Variants in CTSO observed in about 807,000 individuals in gnomAD.
CTSO encodes cathepsin O.
CTSO carries 40 observed loss-of-function variants against 42.4 expected under a neutral mutation model. The ratio of observed to expected loss-of-function variants is 0.94; its 90% CI spans 0.73 to 1.23. CTSO has a LOEUF of 1.23. CTSO is among the 50% of genes most tolerant of loss of function. The probability of loss-of-function intolerance (pLI) is 0.00; values close to 1 mark genes in which losing one functional copy is unlikely to be tolerated. For missense variants in CTSO, 441 were observed against 396.0 expected (o/e 1.11, Z -0.96); for synonymous variants, 156 against 146.2 (o/e 1.07, Z -0.48).
chr4:155,931,593 G>A lies in CTSO; in HGVS notation c.675-1888C>T, dbSNP rs1378317848. On this transcript the variant is annotated intron_variant, in intron 5 of 7. Transcript: ENST00000433477. Reference sequence around the variant, plus strand: ...GCTATCATTTGTCTTTCAGAAAGATGTCAGCTTTTAGAGAGTTCAAATAAT... The same window carrying A: ...GCTATCATTTGTCTTTCAGAAAGATATCAGCTTTTAGAGAGTTCAAATAAT... 2.0e-5 allele frequency among the ~76,000 whole-genome samples: 3 copies of A among 152,078 alleles called. No individual in the cohort carries two copies. In the East Asian group the frequency reaches 5.8e-4, roughly 29 times the overall value.
chr4:155,941,847 G>A (rs1011730383), intron 3 of CTSO, among the ~76,000 whole-genome samples: 1 of 152,144 alleles, frequency 6.6e-6, no homozygotes, highest in African/African-American at 2.4e-5. Context: ...GCAAGATGAG[G>A]CTTGAGAACC....
At chr4:155,944,702 A>C (rs1013220278) in intron 1 of CTSO, among the ~76,000 whole-genome samples, 10 of 152,114 alleles carry the variant, frequency 6.6e-5, no homozygotes, top group Admixed American at 3.9e-4. Context: ...TACGGGCTGC[A>C]CCTAGCTCAT....
At chr4:155,934,181 A>G (rs1184893276) in intron 5 of CTSO, among the ~76,000 whole-genome samples, 1 of 152,212 alleles carries the variant, frequency 6.6e-6, no homozygotes, top group African/African-American at 2.4e-5. Context: ...TGCTCCAGCC[A>G]TGGCTCAAAG....
At chr4:155,929,511 A>T (rs768789376) in intron 6 of CTSO, 31 bp downstream of exon 6, 1 of 1,590,420 alleles carries the variant, frequency 6.3e-7, no homozygotes, top group Non-Finnish European at 8.6e-7. Flanking sequence ...CCATGCTGGA[A>T]AGCAGTCAAC....
intron 5 of CTSO, among the ~76,000 whole-genome samples, chr4:155,934,310 T>C (rs1203252896): frequency 1.3e-5 from 2 of 152,140 alleles, no homozygotes. Flanking sequence ...AGAAGATGTA[T>C]GGAGATGCCT....
chr4:155,942,670 T>C (rs1456202413), intron 2 of CTSO, among the ~76,000 whole-genome samples: 1 of 151,888 alleles, frequency 6.6e-6, no homozygotes, highest in Non-Finnish European at 1.5e-5. Context: ...AGCCTTCTAG[T>C]AGACCTGCTA....
intron 1 of CTSO, among the ~76,000 whole-genome samples, chr4:155,950,102 T>C (rs1743620535): frequency 6.6e-6 from 1 of 152,242 alleles, no homozygotes; most frequent in Admixed American, 6.5e-5. Context: ...ATATTGCAGA[T>C]ATATGTTTAC....
At chr4:155,933,226 G>T (rs1298686891) in intron 5 of CTSO, among the ~76,000 whole-genome samples, 1 of 152,150 alleles carries the variant, frequency 6.6e-6, no homozygotes, top group Non-Finnish European at 1.5e-5. Flanking sequence ...TCTTGTGATA[G>T]TGAATAAGTC....
intron 4 of CTSO, among the ~76,000 whole-genome samples, chr4:155,938,817 G>C (rs908853294): frequency 4.6e-5 from 7 of 152,046 alleles, no homozygotes; most frequent in Admixed American, 4.6e-4. Context: ...TTAGCCAAGT[G>C]TGGTGGTGGG....
Position 155,953,708 on chromosome 4 carries a change from G to C in CTSO, c.135+5C>G. The C allele has an allele frequency of 7.9e-7, 1 of 1,263,464 alleles. No homozygotes were observed. The highest frequency in any genetic ancestry group is 1.0e-6 in the Non-Finnish European group (1 of 1,004,796). 78.3% of individuals were successfully genotyped at this position (1,263,464 alleles called of 1,614,324 possible). ...ACAGATCCCGGGGAGGCGCGCGCTC[G>C]GTACCCGGAAGGCGGCGGCTTCACG... On this transcript the variant is annotated splice_donor_5th_base_variant and intron_variant, in intron 1 of 7. Transcript: ENST00000433477.
chr4:155,950,149 G>T (rs1366036243), intron 1 of CTSO, among the ~76,000 whole-genome samples: 2 of 152,190 alleles, frequency 1.3e-5, no homozygotes, highest in Non-Finnish European at 2.9e-5. Context: ...GGATTTGTGT[G>T]AGCATGTACA....
chr4:155,930,050 C>A (rs77319508), intron 5 of CTSO, among the ~76,000 whole-genome samples: 88 of 152,292 alleles, frequency 5.8e-4, no homozygotes, highest in African/African-American at 2.0e-3. Context: ...GAAGACTTCC[C>A]AGAAATAACC....
At chr4:155,929,762 A>G (rs1165455388) in intron 5 of CTSO, 57 bp from the exon 6 acceptor site, 8 of 1,494,750 alleles carry the variant, frequency 5.4e-6, no homozygotes, top group East Asian at 4.6e-5. Flanking sequence ...AAAAATAACA[A>G]TGATCTATAT....
At chr4:155,932,446 C>CAGTTATAGCA (rs1743252946) in intron 5 of CTSO, among the ~76,000 whole-genome samples, 1 of 152,092 alleles carries the variant, frequency 6.6e-6, no homozygotes, top group South Asian at 2.1e-4. Flanking sequence ...GTCTTGTGCC[C>CAGTTATAGCA]AGTTATAGCA....
chr4:155,939,618 A>C, intron 3 of CTSO, 80 bp from the exon 4 acceptor site: 1 of 1,295,276 alleles, frequency 7.7e-7, no homozygotes, highest in Non-Finnish European at 1.1e-6. Flanking sequence ...ACAAGTTATC[A>C]AATCAAGTAA....
Position 155,925,003 on chromosome 4 carries a change from A to G in CTSO, c.*1033T>C, listed in dbSNP as rs894894528. On this transcript the variant is annotated 3_prime_UTR_variant, in exon 8 of 8. Transcript: ENST00000433477. ...TTCTGGAAAACTCACAGTTTGTTTG[A>G]TACCCAGGGTTAAGAGATGGGACTT... 6.6e-6 allele frequency: 1 copy of G among 152,270 alleles called. No individual in the cohort carries two copies. The highest frequency in any genetic ancestry group is 2.4e-5 in the African/African-American group (1 of 41,424). 9.4% of individuals were successfully genotyped at this position (152,270 alleles called of 1,614,324 possible). A position where few individuals can be genotyped will look rare whatever the true frequency, so the allele number is the denominator to read the frequency against.
intron 1 of CTSO, among the ~76,000 whole-genome samples, chr4:155,943,782 G>A (rs1178907594): frequency 2.6e-5 from 4 of 152,276 alleles, no homozygotes; most frequent in East Asian, 1.9e-4. Context: ...TCTATCTCAT[G>A]TAGGGTACAA....
At chr4:155,940,559 A>C (rs1200324157) in intron 3 of CTSO, among the ~76,000 whole-genome samples, 1 of 152,184 alleles carries the variant, frequency 6.6e-6, no homozygotes, top group Non-Finnish European at 1.5e-5. Context: ...AAACTTTGAC[A>C]AAGGTGAACA....
intron 2 of CTSO, among the ~76,000 whole-genome samples, chr4:155,942,800 G>A (rs781148546): frequency 4.6e-5 from 7 of 151,956 alleles, no homozygotes; most frequent in Non-Finnish European, 1.0e-4. Context: ...ATAGAACCAG[G>A]TCAATAATAA....
Sources: allele counts gnomAD v4.1 joint callset (sites outside exome capture counted in the v4.1 genomes callset), GRCh38; gene constraint gnomAD v4.1.1; transcripts MANE v1.5; gene names NCBI Gene and HGNC (gene_info 2026-07-23, HGNC 2026-07-21).